The following TLN2 variants were observed in gnomAD, a reference collection of about 807,000 sequenced individuals.
TLN2 encodes talin-2.
A neutral mutation model predicts 294.7 loss-of-function variants in TLN2; 118 were observed. That is an observed-to-expected ratio of 0.40 (90% confidence interval 0.34 to 0.47). The LOEUF is 0.47. Ranked by LOEUF, TLN2 falls within the 20% of genes least tolerant of loss-of-function variation. The probability of loss-of-function intolerance (pLI) is 0.84; values close to 1 mark genes in which losing one functional copy is unlikely to be tolerated. For synonymous variants in TLN2, 1,431 were observed against 1,304.5 expected, an observed-to-expected ratio of 1.10 and a Z score of -2.09; for missense variants, 3,083 against 3,282.2, an observed-to-expected ratio of 0.94 and a Z score of 1.48.
At chr15:62,535,923 T>C (rs1318302735) in intron 1 of TLN2, among the ~76,000 whole-genome samples, 6 of 152,236 alleles carry the variant, frequency 3.9e-5, no homozygotes, top group Admixed American at 1.3e-4. Context: ...GTTCTCACTT[T>C]TGACAAATGC....
At chr15:62,712,725 A>AGTGT (rs72282237) in intron 22 of TLN2, among the ~76,000 whole-genome samples, 11 of 150,198 alleles carry the variant, frequency 7.3e-5, no homozygotes, top group South Asian at 6.3e-4. Context: ...GGTAGGACTC[A>AGTGT]GTGTGTGTGT....
chr15:62,736,873 C>G lies in TLN2; in HGVS notation c.3359-5C>G. Reference sequence around the variant, plus strand: ...ATTGGAAATCTGATGGACTTTTTCCCCCAGGGGTGGCTGCTAGAGAGACGG... The same window carrying G: ...ATTGGAAATCTGATGGACTTTTTCCGCCAGGGGTGGCTGCTAGAGAGACGG... On this transcript the variant is annotated splice_polypyrimidine_tract_variant and splice_region_variant and intron_variant, in intron 28 of 58. Transcript: ENST00000636159. The G allele has an allele frequency of 6.2e-7, 1 of 1,612,696 alleles. No homozygotes were observed. Among genetic ancestry groups the G allele is most frequent in the Non-Finnish European group, 8.5e-7 (1 of 1,179,172 alleles).
rs2061984603 is a variant in TLN2 at position 62,752,370 on chromosome 15, G to A, written c.4275G>A (p.Gly1425=). 6.2e-7 allele frequency: 1 copy of A among 1,614,042 alleles called. No homozygotes were observed. The highest frequency in any genetic ancestry group is 1.3e-5 in the African/African-American group (1 of 74,902). Residue 1425 remains glycine, a synonymous_variant, in exon 35 of 59, where the codon GGG becomes GGA. Coordinates refer to ENST00000636159, the MANE Select transcript of TLN2 (RefSeq NM_015059.3). ...NAKTGDLPAF[G]ECVGIASKAL... ...AGACCGGAGACCTCCCTGCCTTTGG[G>A]GAATGTGTGGGGATTGCATCCAAGG...
chr15:62,806,839 G>A lies in TLN2; in HGVS notation c.6663+1054G>A, dbSNP rs190749713. Among the ~76,000 whole-genome samples, 192 of 152,276 alleles carry A rather than the reference G, an allele frequency of 1.3e-3. 3 individuals carry two copies. Among genetic ancestry groups the A allele is most frequent in the South Asian group, 6.0e-3 (29 of 4,816 alleles). ...AGAATTGAAGACCAGCTCCTACAGC[G>A]TGGGGTCTCAGGGAGCAGAGCCATT... On this transcript the variant is annotated intron_variant, in intron 51 of 58. Transcript: ENST00000636159.
intron 41 of TLN2, among the ~76,000 whole-genome samples, chr15:62,769,813 G>A (rs1381170298): frequency 1.3e-5 from 2 of 152,032 alleles, no homozygotes; most frequent in Non-Finnish European, 2.9e-5. Context: ...TCTCTTAAAG[G>A]GTGTAATTTA....
chr15:62,807,740 G>A (rs577155141), intron 51 of TLN2, among the ~76,000 whole-genome samples: 4 of 152,120 alleles, frequency 2.6e-5, no homozygotes, highest in South Asian at 2.1e-4. Context: ...CCTGGGATGC[G>A]TTATCTGGGC....
At chr15:62,524,456 G>C (rs1439347014) in intron 1 of TLN2, among the ~76,000 whole-genome samples, 2 of 152,162 alleles carry the variant, frequency 1.3e-5, no homozygotes, top group East Asian at 3.9e-4. Flanking sequence ...GTGCTGTAGA[G>C]AGAAGACGCT....
Position 62,622,494 on chromosome 15 carries a change from A to G in TLN2, c.-37+4019A>G, listed in dbSNP as rs150815276. Reference sequence around the variant, plus strand: ...TGATCTGTCCTGTTATGTATTAAGCACTTGCCCCTTGATAATCATGAAGGG... The same window carrying G: ...TGATCTGTCCTGTTATGTATTAAGCGCTTGCCCCTTGATAATCATGAAGGG... On this transcript the variant is annotated intron_variant, in intron 3 of 58. Transcript: ENST00000636159. Among the ~76,000 whole-genome samples the G allele has an allele frequency of 4.1e-4, 63 of 152,262 alleles. No individual in the cohort carries two copies. In the East Asian group the frequency reaches 0.011, roughly 26 times the overall value.
chr15:62,641,539 C>G (rs575765744), intron 3 of TLN2, among the ~76,000 whole-genome samples: 1 of 152,018 alleles, frequency 6.6e-6, no homozygotes. Context: ...TCGTTTGAAC[C>G]GGCTACTCGG....
chr15:62,738,071 A>C, intron 29 of TLN2, 143 bp from the exon 30 acceptor site: 1 of 860,074 alleles, frequency 1.2e-6, no homozygotes, highest in Non-Finnish European at 1.8e-6. Context: ...GGATGAGGTG[A>C]TGTAAGACAG....
chr15:62,528,350 T>C (rs2040849420), intron 1 of TLN2, among the ~76,000 whole-genome samples: 1 of 152,044 alleles, frequency 6.6e-6, no homozygotes, highest in Non-Finnish European at 1.5e-5. Context: ...GATTGAGTCA[T>C]TCGATTGATT....
intron 22 of TLN2, among the ~76,000 whole-genome samples, chr15:62,714,424 G>A (rs2059639904): frequency 1.1e-4 from 16 of 151,786 alleles, no homozygotes; most frequent in Admixed American, 9.2e-4. Flanking sequence ...GGATGGTCTC[G>A]ATCTCCTGAC....
chr15:62,616,572 G>T (rs771478441), intron 2 of TLN2, among the ~76,000 whole-genome samples: 8 of 152,130 alleles, frequency 5.3e-5, no homozygotes, highest in African/African-American at 9.7e-5. Flanking sequence ...GAGATCACAG[G>T]CATGTACCAC....
In TLN2 at chr15:62,698,180, G is replaced by A. The variant is rs76874959; in HGVS notation, c.1473+312G>A. Among the ~76,000 whole-genome samples, 662 of 152,290 alleles carry A rather than the reference G, an allele frequency of 4.3e-3. 8 individuals carry two copies. Among genetic ancestry groups the A allele is most frequent in the African/African-American group, 0.014 (572 of 41,558 alleles). ...TACCCCTAGGAAAGTCTGAGAAGTCGACCAGGTTTTTAGTGATTTTGAGGT... is the reference window on the plus strand; with the variant it reads ...TACCCCTAGGAAAGTCTGAGAAGTCAACCAGGTTTTTAGTGATTTTGAGGT... On this transcript the variant is annotated intron_variant, in intron 15 of 58. Coordinates refer to ENST00000636159, the MANE Select transcript of TLN2 (RefSeq NM_015059.3).
intron 1 of TLN2, among the ~76,000 whole-genome samples, chr15:62,452,250 A>C (rs1224155537): frequency 6.6e-6 from 1 of 152,152 alleles, no homozygotes; most frequent in Non-Finnish European, 1.5e-5. Context: ...CCTAGCTGCA[A>C]ACCTGCTCCT....
At chr15:62,533,951 C>T (rs974307458) in intron 1 of TLN2, among the ~76,000 whole-genome samples, 1 of 152,176 alleles carries the variant, frequency 6.6e-6, no homozygotes, top group African/African-American at 2.4e-5. Context: ...TGCCCATTGT[C>T]TTAATTAACA....
At chr15:62,437,248 C>T (rs1431653077) in intron 1 of TLN2, among the ~76,000 whole-genome samples, 4 of 152,164 alleles carry the variant, frequency 2.6e-5, no homozygotes. Context: ...TCTAGGAATC[C>T]TTTCTGAGGA....
At chr15:62,798,555 C>CAA (rs370925643) in intron 48 of TLN2, among the ~76,000 whole-genome samples, 3 of 143,446 alleles carry the variant, frequency 2.1e-5, no homozygotes, top group South Asian at 2.3e-4. Context: ...AAAAACAAAA[C>CAA]AAAAAAAAAA....
At chr15:62,810,137 T>G in intron 52 of TLN2, 105 bp downstream of exon 52, 4 of 907,874 alleles carry the variant, frequency 4.4e-6, no homozygotes, top group Non-Finnish European at 3.5e-6. Flanking sequence ...CAGAGCCCTG[T>G]CCATTGCCAC....
Sources: allele counts gnomAD v4.1 joint callset (sites outside exome capture counted in the v4.1 genomes callset), GRCh38; gene constraint gnomAD v4.1.1; transcripts MANE v1.5; gene names NCBI Gene and HGNC (gene_info 2026-07-23, HGNC 2026-07-21).